TOX3: variants seen among roughly 807,000 people sequenced by gnomAD.
The protein encoded by TOX3 is CAG trinucleotide repeat-containing gene F9 protein.
TOX3 carries 22 observed loss-of-function variants against 64.3 expected under a neutral mutation model. The ratio of observed to expected loss-of-function variants is 0.34; its 90% CI spans 0.24 to 0.49. The LOEUF (loss-of-function observed/expected upper bound fraction) is 0.49, where lower values mean the gene tolerates loss of function less well. Among genes scored for constraint, TOX3 ranks in the 20% least tolerant of loss-of-function variants. TOX3 has a pLI of 0.99. For synonymous variants in TOX3, 291 were observed against 273.6 expected (o/e 1.06, Z -0.63); for missense variants, 661 against 714.4 (o/e 0.93, Z 0.85).
intron 1 of TOX3, among the ~76,000 whole-genome samples, chr16:52,527,404 C>G (rs150799613): frequency 9.4e-4 from 143 of 152,244 alleles, no homozygotes; most frequent in African/African-American, 3.4e-3. Flanking sequence ...AGTCCAAGCA[C>G]CCAGAGACAG....
At chr16:52,511,415 C>T (rs2151472065) in intron 1 of TOX3, among the ~76,000 whole-genome samples, 2 of 152,262 alleles carry the variant, frequency 1.3e-5, no homozygotes, top group Middle Eastern at 6.8e-3. Flanking sequence ...TTGCTTAAAC[C>T]TGGGAGGCGG....
At chr16:52,522,450 C>T (rs1027291329) in intron 1 of TOX3, among the ~76,000 whole-genome samples, 2 of 152,204 alleles carry the variant, frequency 1.3e-5, no homozygotes, top group Non-Finnish European at 2.9e-5. Context: ...TACTGGCAGG[C>T]AGAGTGGAGG....
chr16:52,546,546 A>G, intron 1 of TOX3, 91 bp downstream of exon 1: 2 of 1,206,786 alleles, frequency 1.7e-6, no homozygotes, highest in Non-Finnish European at 2.3e-6. Flanking sequence ...AGGCCAAAGA[A>G]AAGTGCAGCA....
chr16:52,538,035 A>G (rs941141549), intron 1 of TOX3, among the ~76,000 whole-genome samples: 1 of 152,186 alleles, frequency 6.6e-6, no homozygotes, highest in Admixed American at 6.5e-5. Context: ...GTTTGACTGA[A>G]GTCTTTTTCT....
chr16:52,474,765 G>A (rs577707151), intron 1 of TOX3, among the ~76,000 whole-genome samples: 1 of 151,466 alleles, frequency 6.6e-6, no homozygotes, highest in Non-Finnish European at 1.5e-5. Context: ...AGGGAGGGAG[G>A]CAGTAAATCT....
intron 4 of TOX3, among the ~76,000 whole-genome samples, chr16:52,449,611 T>C (rs563206608): frequency 6.6e-6 from 1 of 152,370 alleles, no homozygotes; most frequent in East Asian, 1.9e-4. Context: ...TAAATCTTTG[T>C]ATCACAAGAA....
At chr16:52,536,610 A>T (rs538418776) in intron 1 of TOX3, among the ~76,000 whole-genome samples, 1 of 128,572 alleles carries the variant, frequency 7.8e-6, no homozygotes, top group African/African-American at 3.0e-5. Context: ...CATCTTTTCT[A>T]CTGAAATAGA....
intron 4 of TOX3, among the ~76,000 whole-genome samples, chr16:52,447,228 T>G (rs1195210577): frequency 6.6e-6 from 1 of 152,234 alleles, no homozygotes; most frequent in Non-Finnish European, 1.5e-5. Flanking sequence ...AAGATAATTT[T>G]GCAGTTAACT....
chr16:52,546,129 G>T (rs1963176882), intron 1 of TOX3, among the ~76,000 whole-genome samples: 1 of 152,066 alleles, frequency 6.6e-6, no homozygotes, highest in Non-Finnish European at 1.5e-5. Flanking sequence ...CCACTCCCCT[G>T]TCCAGGCATA....
intron 1 of TOX3, among the ~76,000 whole-genome samples, chr16:52,506,326 A>G (rs1369620345): frequency 6.6e-6 from 1 of 152,180 alleles, no homozygotes; most frequent in Non-Finnish European, 1.5e-5. Flanking sequence ...TTTTCCCCCA[A>G]CTGATGGAAG....
intron 1 of TOX3, among the ~76,000 whole-genome samples, chr16:52,509,878 T>A (rs750941075): frequency 4.4e-4 from 67 of 152,272 alleles, no homozygotes; most frequent in Non-Finnish European, 7.3e-4. Flanking sequence ...ATTATCAAGT[T>A]CAAAGTCTAA....
intron 1 of TOX3, among the ~76,000 whole-genome samples, chr16:52,537,317 G>A (rs1436913488): frequency 6.6e-6 from 1 of 152,074 alleles, no homozygotes; most frequent in Non-Finnish European, 1.5e-5. Context: ...ACCATGGAAA[G>A]AGAAAATCTC....
chr16:52,440,903 G>A (rs539687042), intron 6 of TOX3, among the ~76,000 whole-genome samples: 24 of 151,784 alleles, frequency 1.6e-4, no homozygotes, highest in Non-Finnish European at 3.2e-4. Context: ...TGGCACTACA[G>A]GTGCCCACCA....
chr16:52,504,662 C>T (rs1962109551), intron 1 of TOX3, among the ~76,000 whole-genome samples: 1 of 151,718 alleles, frequency 6.6e-6, no homozygotes, highest in Non-Finnish European at 1.5e-5. Context: ...GATGGGGTAA[C>T]GGAGGCTTTT....
At chr16:52,501,268 T>C (rs1173731729) in intron 1 of TOX3, among the ~76,000 whole-genome samples, 2 of 152,228 alleles carry the variant, frequency 1.3e-5, no homozygotes, top group South Asian at 2.1e-4. Context: ...AATTGCAACA[T>C]ATGCAGGTTT....
intron 1 of TOX3, among the ~76,000 whole-genome samples, chr16:52,507,627 A>G (rs1962193575): frequency 6.6e-6 from 1 of 152,208 alleles, no homozygotes; most frequent in African/African-American, 2.4e-5. Context: ...ACAAATAAGC[A>G]ATATTGCTTC....
intron 1 of TOX3, among the ~76,000 whole-genome samples, chr16:52,486,236 C>A (rs890848899): frequency 3.3e-5 from 5 of 152,058 alleles, no homozygotes; most frequent in African/African-American, 1.2e-4. Flanking sequence ...ATGACCAAGA[C>A]ACGGATCCCA....
chr16:52,504,487 A>G lies in TOX3; in HGVS notation c.88-35913T>C, dbSNP rs905209254. ...GTCTCAAAAAAAAAAAAAAAAAAGA[A>G]GTTCACACTCTAAAATGAAGAGAAA... On this transcript the variant is annotated intron_variant, in intron 1 of 6. Coordinates refer to ENST00000219746, the MANE Select transcript of TOX3 (RefSeq NM_001080430.4). Among the ~76,000 whole-genome samples the G allele has an allele frequency of 3.4e-5, 5 of 147,288 alleles. No individual in the cohort carries two copies. In the East Asian group the frequency reaches 8.3e-4, roughly 24 times the overall value.
At chr16:52,498,780 C>T (rs1013208057) in intron 1 of TOX3, among the ~76,000 whole-genome samples, 8 of 152,206 alleles carry the variant, frequency 5.3e-5, no homozygotes, top group Admixed American at 5.2e-4. Context: ...ATCCTGCTTC[C>T]CCGTGCATCG....
Sources: allele counts gnomAD v4.1 joint callset (sites outside exome capture counted in the v4.1 genomes callset), GRCh38; gene constraint gnomAD v4.1.1; transcripts MANE v1.5; gene names NCBI Gene and HGNC (gene_info 2026-07-23, HGNC 2026-07-21).